The following SLC44A5 variants were observed in gnomAD, a reference collection of about 807,000 sequenced individuals.
The protein encoded by SLC44A5 is solute carrier family 44 member 5, also known as choline transporter-like protein 5.
In SLC44A5, 57 loss-of-function variants were observed where a neutral mutation model predicts 101.8. That is an observed-to-expected ratio of 0.56 (90% confidence interval 0.45 to 0.70). The LOEUF is 0.70. Ranked by LOEUF, SLC44A5 falls within the 30% of genes least tolerant of loss-of-function variation. The probability of loss-of-function intolerance (pLI) is 0.00; values close to 1 mark genes in which losing one functional copy is unlikely to be tolerated. For synonymous variants in SLC44A5, 281 were observed against 290.9 expected (o/e 0.97, Z 0.35); for missense variants, 737 against 853.1 (o/e 0.86, Z 1.70).
chr1:75,646,174 C>T, the SLC44A5 span, among the ~76,000 whole-genome samples: 4 of 134,976 alleles, frequency 3.0e-5, 2 homozygotes, highest in East Asian at 8.0e-4. Context: ...TGAAGAAAGT[C>T]GTTGGTAGCT....
the SLC44A5 span, among the ~76,000 whole-genome samples, chr1:75,692,386 G>A: frequency 1.3e-5 from 2 of 151,630 alleles, no homozygotes; most frequent in East Asian, 3.9e-4. Flanking sequence ...TAATAAAGAC[G>A]GGGTTTCACC....
intron 5 of SLC44A5, among the ~76,000 whole-genome samples, chr1:75,289,241 G>A (rs1244939327): frequency 1.3e-5 from 2 of 152,184 alleles, no homozygotes; most frequent in Non-Finnish European, 2.9e-5. Flanking sequence ...TTACAAAGAG[G>A]TGTGTCACTG....
At chr1:75,370,090 A>G (rs1275206710) in intron 3 of SLC44A5, among the ~76,000 whole-genome samples, 4 of 152,268 alleles carry the variant, frequency 2.6e-5, no homozygotes, top group Non-Finnish European at 5.9e-5. Context: ...TTCAATGAAT[A>G]GGAAAATTAT....
intron 2 of SLC44A5, among the ~76,000 whole-genome samples, chr1:75,539,887 GA>G (rs1671257880): frequency 6.6e-6 from 1 of 152,014 alleles, no homozygotes; most frequent in Non-Finnish European, 1.5e-5. Flanking sequence ...CCAATATTCA[GA>G]AAAAAAGAGA....
intron 1 of SLC44A5, among the ~76,000 whole-genome samples, chr1:75,581,620 C>G (rs1441129482): frequency 6.6e-6 from 1 of 152,076 alleles, no homozygotes; most frequent in Non-Finnish European, 1.5e-5. Context: ...AACACTTGAT[C>G]CCAGGTAGTA....
chr1:75,419,044 T>G (rs1663837578), intron 2 of SLC44A5, among the ~76,000 whole-genome samples: 1 of 152,056 alleles, frequency 6.6e-6, no homozygotes, highest in Non-Finnish European at 1.5e-5. Flanking sequence ...TAGAGTGCAA[T>G]GATTTCAGCA....
the SLC44A5 span, among the ~76,000 whole-genome samples, chr1:75,708,256 CAA>C: frequency 1.5e-5 from 2 of 135,442 alleles, no homozygotes; most frequent in Non-Finnish European, 3.2e-5. Flanking sequence ...ACTGAAAATA[CAA>C]AAAAAAAAAA....
intron 4 of SLC44A5, among the ~76,000 whole-genome samples, chr1:75,317,588 A>G (rs912264357): frequency 6.6e-6 from 1 of 152,186 alleles, no homozygotes; most frequent in African/African-American, 2.4e-5. Context: ...TGAACATCCT[A>G]GATGTCTTAA....
At chr1:75,541,165 A>T (rs1671335128) in intron 2 of SLC44A5, among the ~76,000 whole-genome samples, 1 of 152,126 alleles carries the variant, frequency 6.6e-6, no homozygotes, top group South Asian at 2.1e-4. Flanking sequence ...TCCTTTACAA[A>T]CCACATACCC....
intron 3 of SLC44A5, among the ~76,000 whole-genome samples, chr1:75,395,884 G>A (rs1032923550): frequency 6.6e-5 from 10 of 152,080 alleles, no homozygotes; most frequent in African/African-American, 1.4e-4. Context: ...GAAGATTGGG[G>A]ATCCAAGTAA....
intron 6 of SLC44A5, among the ~76,000 whole-genome samples, chr1:75,261,031 A>G (rs1650457154): frequency 6.6e-6 from 1 of 151,894 alleles, no homozygotes; most frequent in African/African-American, 2.4e-5. Flanking sequence ...AGCAGTCTGT[A>G]GAGGGACATT....
At chr1:75,692,572 G>A in the SLC44A5 span, among the ~76,000 whole-genome samples, 1 of 152,136 alleles carries the variant, frequency 6.6e-6, no homozygotes, top group African/African-American at 2.4e-5. Flanking sequence ...TGTAATAGGA[G>A]AGGAAGCAGA....
the SLC44A5 span, among the ~76,000 whole-genome samples, chr1:75,676,346 C>A: frequency 6.6e-6 from 1 of 152,164 alleles, no homozygotes; most frequent in Non-Finnish European, 1.5e-5. Flanking sequence ...TACATATAGA[C>A]CATGAAATAC....
the SLC44A5 span, among the ~76,000 whole-genome samples, chr1:75,672,605 T>C: frequency 1.3e-5 from 2 of 152,082 alleles, no homozygotes; most frequent in African/African-American, 2.4e-5. Context: ...TGCAACCTAG[T>C]GAGACAGCAA....
intron 23 of SLC44A5, among the ~76,000 whole-genome samples, chr1:75,207,185 C>T (rs1646763936): frequency 1.3e-5 from 2 of 152,024 alleles, no homozygotes; most frequent in Admixed American, 6.6e-5. Context: ...ACCCTGAGGC[C>T]CAGGGATATA....
chr1:75,606,847 A>G (rs1675352862), intron 1 of SLC44A5, among the ~76,000 whole-genome samples: 1 of 151,926 alleles, frequency 6.6e-6, no homozygotes. Context: ...CCAAGACCCC[A>G]CACCCACTTC....
At chr1:75,711,473 T>A in the SLC44A5 span, among the ~76,000 whole-genome samples, 3 of 152,214 alleles carry the variant, frequency 2.0e-5, no homozygotes. Flanking sequence ...GAAATCTTAC[T>A]GAGGACTGTA....
chr1:75,287,201 T>G (rs1653125142), intron 5 of SLC44A5, among the ~76,000 whole-genome samples: 1 of 152,048 alleles, frequency 6.6e-6, no homozygotes, highest in African/African-American at 2.4e-5. Context: ...GCTCTGAAGC[T>G]CTTTCTTCTA....
At chr1:75,702,052 G>A in the SLC44A5 span, among the ~76,000 whole-genome samples, 1 of 152,196 alleles carries the variant, frequency 6.6e-6, no homozygotes, top group Non-Finnish European at 1.5e-5. Flanking sequence ...TGGGTAGGAA[G>A]AATCAATATT....
Sources: gnomAD v4.1 joint callset for allele counts (sites outside exome capture counted in the v4.1 genomes callset) on GRCh38, gnomAD v4.1.1 for gene constraint, MANE v1.5 for transcripts, NCBI Gene and HGNC (gene_info 2026-07-23, HGNC 2026-07-21) for gene names.